KCMF1: variants seen among roughly 807,000 people sequenced by gnomAD.
KCMF1 encodes the protein potassium channel modulatory factor 1.
Under a neutral mutation model 41.1 loss-of-function variants are expected in KCMF1, and 3 were observed. That is an observed-to-expected ratio of 0.07 (90% confidence interval 0.03 to 0.19). The LOEUF is 0.19. Among genes scored for constraint, KCMF1 ranks in the 10% least tolerant of loss-of-function variants. The pLI is 1.00. For missense variants in KCMF1, 286 were observed against 488.9 expected, an observed-to-expected ratio of 0.58 and a Z score of 3.91; for synonymous variants, 142 against 164.5, an observed-to-expected ratio of 0.86 and a Z score of 1.04.
At chr2:84,992,718 C>T (rs1053674733) in intron 1 of KCMF1, among the ~76,000 whole-genome samples, 4 of 151,880 alleles carry the variant, frequency 2.6e-5, no homozygotes, top group African/African-American at 7.3e-5. Context: ...CTGCAAGCTC[C>T]GCCTCCTGGG....
intron 3 of KCMF1, among the ~76,000 whole-genome samples, chr2:85,043,261 CACATTTTAAAGTTTTTTTTAATGGAA>C (rs534472977): frequency 4.1e-4 from 62 of 152,050 alleles, no homozygotes; most frequent in African/African-American, 1.4e-3. Context: ...CACTAAATAG[CACATTTTAAAGTTTTTTTTAATGGAA>C]ACTATTTTGC....
chr2:85,052,035 G>C (rs1300696779), intron 6 of KCMF1, among the ~76,000 whole-genome samples: 1 of 152,180 alleles, frequency 6.6e-6, no homozygotes, highest in Non-Finnish European at 1.5e-5. Flanking sequence ...CAAGATAGTT[G>C]ACCTTTTAGA....
chr2:85,000,535 T>C (rs935458425), intron 1 of KCMF1, among the ~76,000 whole-genome samples: 1 of 152,192 alleles, frequency 6.6e-6, no homozygotes, highest in African/African-American at 2.4e-5. Context: ...ATTTCATATT[T>C]GGAAGTTATA....
intron 1 of KCMF1, among the ~76,000 whole-genome samples, chr2:84,975,559 C>T (rs1456318859): frequency 6.6e-6 from 1 of 152,150 alleles, no homozygotes; most frequent in Non-Finnish European, 1.5e-5. Flanking sequence ...TCCTGCTTGC[C>T]CGTTAATACT....
intron 5 of KCMF1, among the ~76,000 whole-genome samples, chr2:85,047,019 C>T (rs1357263938): frequency 6.6e-6 from 1 of 152,044 alleles, no homozygotes; most frequent in African/African-American, 2.4e-5. Context: ...TTTAGCACAA[C>T]AGATAAGTAT....
chr2:84,999,037 C>CCCAT (rs1207642350), intron 1 of KCMF1, among the ~76,000 whole-genome samples: 93 of 133,696 alleles, frequency 7.0e-4, no homozygotes, highest in South Asian at 1.7e-3. Flanking sequence ...CATCCACCCA[C>CCCAT]CCATCCATCC....
intron 3 of KCMF1, among the ~76,000 whole-genome samples, chr2:85,042,521 A>G (rs1280419895): frequency 1.3e-5 from 2 of 152,220 alleles, no homozygotes; most frequent in African/African-American, 4.8e-5. Context: ...TGTACTGGCA[A>G]TGAATCACAT....
At chr2:84,993,450 G>T (rs948313835) in intron 1 of KCMF1, among the ~76,000 whole-genome samples, 3 of 151,998 alleles carry the variant, frequency 2.0e-5, no homozygotes, top group Non-Finnish European at 4.4e-5. Flanking sequence ...AATTTGTTTT[G>T]TATGGACCGA....
intron 1 of KCMF1, among the ~76,000 whole-genome samples, chr2:84,991,276 T>C (rs1449808692): frequency 3.9e-5 from 6 of 152,084 alleles, no homozygotes; most frequent in Non-Finnish European, 7.4e-5. Flanking sequence ...GGGAGAAGCA[T>C]TTTGGAGATG....
intron 1 of KCMF1, among the ~76,000 whole-genome samples, chr2:84,973,250 G>A (rs1284700945): frequency 6.6e-6 from 1 of 152,168 alleles, no homozygotes; most frequent in East Asian, 1.9e-4. Flanking sequence ...CATTCTAATT[G>A]AAGTGTCCTG....
intron 1 of KCMF1, among the ~76,000 whole-genome samples, chr2:85,020,816 G>A (rs559159758): frequency 6.6e-6 from 1 of 151,962 alleles, no homozygotes; most frequent in Non-Finnish European, 1.5e-5. Flanking sequence ...CTTTGCCCAC[G>A]CTGTCCTTCA....
At chr2:84,995,128 T>C (rs1057095568) in intron 1 of KCMF1, among the ~76,000 whole-genome samples, 5 of 151,996 alleles carry the variant, frequency 3.3e-5, no homozygotes, top group Non-Finnish European at 7.4e-5. Context: ...TTCAAGCAAT[T>C]CTCCTGCCTC....
chr2:85,008,351 T>TA (rs1674549876), intron 1 of KCMF1, among the ~76,000 whole-genome samples: 1 of 111,946 alleles, frequency 8.9e-6, no homozygotes, highest in Non-Finnish European at 1.8e-5. Flanking sequence ...ATATATAATA[T>TA]ATAATATATA....
Position 85,053,151 on chromosome 2 carries a change from G to A in KCMF1, c.888G>A (p.Leu296=), listed in dbSNP as rs1173854775. Residue 296 remains leucine (L), a synonymous_variant, in exon 7 of 7, where the codon TTG becomes TTA. Coordinates refer to ENST00000409785, the MANE Select transcript of KCMF1 (RefSeq NM_020122.5). ...LQNSQFLLTR[L]NDPKMSETER... is the part of the protein sequence containing the mutation. The stretch of plus-strand genomic sequence containing the variant: ...CTTTTCTTTTTAACTTACACAGGTT[G>A]AATGATCCTAAAATGTCTGAAACGG... 6.2e-7 allele frequency: 1 copy of A among 1,612,628 alleles called. No individual in the cohort carries two copies. Among genetic ancestry groups the A allele is most frequent in the African/African-American group, 1.3e-5 (1 of 74,980 alleles).
chr2:84,973,810 T>C (rs1673460768), intron 1 of KCMF1, among the ~76,000 whole-genome samples: 1 of 149,358 alleles, frequency 6.7e-6, no homozygotes, highest in Middle Eastern at 3.5e-3. Flanking sequence ...TTTCTTTCTT[T>C]TTCTTTATTT....
At chr2:84,974,222 C>A (rs1673473280) in intron 1 of KCMF1, among the ~76,000 whole-genome samples, 2 of 152,120 alleles carry the variant, frequency 1.3e-5, no homozygotes, top group African/African-American at 2.4e-5. Context: ...TAGTGTGATC[C>A]TGAACTGGAT....
At chr2:85,028,146 A>G in intron 2 of KCMF1, 90 bp downstream of exon 2, 1 of 746,346 alleles carries the variant, frequency 1.3e-6, no homozygotes, top group South Asian at 1.9e-5. Context: ...ACTCCCCAGC[A>G]GCATACCATA....
Position 85,049,465 on chromosome 2 carries a change from T to G in KCMF1, c.701T>G (p.Leu234Arg). ...CAGTTACAACAACTGCAGATGCAGC[T>G]GCAGCTAGAACGGCAGCATGCCCAG... ...ASQLQQLQMQ[L>R]QLERQHAQAA... Residue 234 changes from leucine (L) to arginine (R), a missense_variant, in exon 6 of 7, where the codon CTG becomes CGG. Physicochemically the swap from Leu to Arg is moderately radical, Grantham distance 102. Transcript: ENST00000409785. 1 of 1,614,072 alleles carries G rather than the reference T, an allele frequency of 6.2e-7. No individual in the cohort carries two copies. The highest frequency in any genetic ancestry group is 8.5e-7 in the Non-Finnish European group (1 of 1,179,904).
chr2:85,017,141 C>T (rs1308077892), intron 1 of KCMF1, among the ~76,000 whole-genome samples: 1 of 151,440 alleles, frequency 6.6e-6, no homozygotes, highest in Non-Finnish European at 1.5e-5. Context: ...TCTCCTGCCT[C>T]AGCCTCCCGA....
Sources: gnomAD v4.1 joint callset for allele counts (sites outside exome capture counted in the v4.1 genomes callset) on GRCh38, gnomAD v4.1.1 for gene constraint, MANE v1.5 for transcripts, NCBI Gene and HGNC (gene_info 2026-07-23, HGNC 2026-07-21) for gene names.